Variants in GGA3 observed in about 807,000 individuals in gnomAD.
GGA3 encodes the protein golgi associated, gamma adaptin ear containing, ARF binding protein 3.
GGA3 carries 57 observed loss-of-function variants against 77.5 expected under a neutral mutation model. The observed-to-expected ratio is 0.74, with a 90% CI of 0.59 to 0.92. GGA3 has a LOEUF of 0.92. GGA3 is among the 40% of genes least tolerant of loss of function. The pLI, the probability that GGA3 is intolerant of heterozygous loss-of-function variation, is 0.00. For missense variants in GGA3, 970 were observed against 914.9 expected (o/e 1.06, Z -0.78); for synonymous variants, 416 against 383.7 (o/e 1.08, Z -0.98).
chr17:75,239,647 C>T lies in GGA3; in HGVS notation c.1584-76G>A, dbSNP rs9902741. The T allele has an allele frequency of 0.03, 43,979 of 1,450,318 alleles. 5,791 individuals carry two copies. The African/African-American group carries it at 0.37, about 12-fold the overall frequency. The allele number at this position is 1,450,318 out of a possible 1,614,324, so 89.8% of individuals were successfully genotyped here. ...AGGACTCTCACCCAAGGCCCCTGAC[C>T]ATGCTCTTACCCAGGCCCACCCCTT... On this transcript the variant is annotated intron_variant, in intron 13 of 16. Transcript: ENST00000537686.
Position 75,239,025 on chromosome 17 carries a change from A to G in GGA3, c.1839T>C (p.Phe613=). The change falls in exon 15 of 17, where the codon TTT becomes TTC. Residue 613 remains phenylalanine, a synonymous_variant. Transcript: ENST00000537686. ...GTCGTCCTGGGGGACACTCCTTGGC[A>G]AAGTGGAAGAGGATGCGGAAGCCGT... ...DKNGFRILFH[F]AKECPPGRPD... The G allele has an allele frequency of 1.2e-6, 2 of 1,614,082 alleles. No individual in the cohort carries two copies. Among genetic ancestry groups the G allele is most frequent in the Non-Finnish European group, 1.7e-6 (2 of 1,180,006 alleles).
intron 11 of GGA3, 104 bp downstream of exon 11, chr17:75,240,707 AC>A: frequency 7.8e-7 from 1 of 1,285,338 alleles, no homozygotes; most frequent in Non-Finnish European, 1.0e-6. Context: ...TTCTTTGCCC[AC>A]CCCAACAGTC....
intron 1 of GGA3, chr17:75,248,902 A>C (rs2076862867): frequency 1.0e-6 from 1 of 984,748 alleles, no homozygotes; most frequent in African/African-American, 1.8e-5. Flanking sequence ...GGCTGCAGGG[A>C]TCTGAGTAGC....
chr17:75,253,627 C>A (rs982135025), intron 1 of GGA3, among the ~76,000 whole-genome samples: 2 of 152,236 alleles, frequency 1.3e-5, no homozygotes, highest in Non-Finnish European at 2.9e-5. Flanking sequence ...GCGGTAAGTC[C>A]CGCTTTTCTA....
At chr17:75,240,218 A>G in intron 12 of GGA3, 110 bp from the exon 13 acceptor site, 2 of 1,161,058 alleles carry the variant, frequency 1.7e-6, no homozygotes, top group Admixed American at 4.2e-5. Flanking sequence ...GGAGGCACTC[A>G]TTGTTCCCCG....
chr17:75,252,870 G>A (rs2077016664), intron 1 of GGA3, among the ~76,000 whole-genome samples: 2 of 152,000 alleles, frequency 1.3e-5, no homozygotes, highest in South Asian at 4.2e-4. Context: ...ATCCATCCCT[G>A]CCCGCAAAAC....
At chr17:75,241,962 G>C (rs1012935839) in intron 8 of GGA3, 67 of 560,970 alleles carry the variant, frequency 1.2e-4, no homozygotes, top group Non-Finnish European at 2.2e-5. Flanking sequence ...ATGTTCCTCA[G>C]AACTCAAAAT....
In GGA3 at chr17:75,239,877, C is replaced by T. The variant is rs372063338; in HGVS notation, c.1495G>A (p.Ala499Thr). The T allele has an allele frequency of 1.6e-5, 26 of 1,613,860 alleles. No homozygotes were observed. The highest frequency in any genetic ancestry group is 5.5e-5 in the South Asian group (5 of 91,090). Residue 499 changes from alanine (A) to threonine (T), a missense_variant, in exon 13 of 17, where the codon GCA (alanine) becomes ACA (threonine). Coordinates refer to ENST00000537686, the MANE Select transcript of GGA3 (RefSeq NM_138619.4). ...GCCAAGCCATGGTGCCCAGGGACTGCGGGCTCAACTTTTGGGGCCAAGGCT... is the reference window on the plus strand; with the variant it reads ...GCCAAGCCATGGTGCCCAGGGACTGTGGGCTCAACTTTTGGGGCCAAGGCT... ...APALAPKVEPAVPGHHGLALG... is the reference protein window; with the variant it reads ...APALAPKVEPTVPGHHGLALG...
chr17:75,251,621 G>C (rs1460807797), intron 1 of GGA3, among the ~76,000 whole-genome samples: 1 of 140,640 alleles, frequency 7.1e-6, no homozygotes, highest in Non-Finnish European at 1.5e-5. Context: ...CAGGAGAATC[G>C]CTTTAACCCA....
upstream of GGA3, chr17:75,261,767 TGAAAAACTCTAACGTCCAG>T: frequency 8.7e-7 from 1 of 1,150,480 alleles, no homozygotes; most frequent in Non-Finnish European, 1.2e-6. Context: ...GACCCCGGAG[TGAAAAACTCTAACGTCCAG>T]ATCAGTGGAG....
intron 1 of GGA3, among the ~76,000 whole-genome samples, chr17:75,247,268 T>A (rs1287874263): frequency 8.1e-6 from 1 of 123,408 alleles, no homozygotes; most frequent in African/African-American, 5.6e-5. Context: ...CACAAATTTT[T>A]TTTTTTTTTT....
chr17:75,242,858 G>T lies in GGA3; in HGVS notation c.582C>A (p.Asn194Lys). The T allele has an allele frequency of 6.2e-7, 1 of 1,613,974 alleles. No homozygotes were observed. The highest frequency in any genetic ancestry group is 8.5e-7 in the Non-Finnish European group (1 of 1,179,796). ...SKNPDDLQEA[N>K]KLIKSMVKED... ...CCTTCACCATGGACTTGATGAGCTT[G>T]TTGGCCTCCTGCAGGTCATCTGGGT... Residue 194 changes from asparagine to lysine, a missense_variant, in exon 7 of 17, where the codon AAC (asparagine) becomes AAA (lysine). Physicochemically the swap from Asn to Lys is moderately conservative, Grantham distance 94. Coordinates refer to ENST00000537686, the MANE Select transcript of GGA3 (RefSeq NM_138619.4).
chr17:75,239,943 GGGCAGGAACACT>G lies in GGA3; in HGVS notation c.1417_1428del (p.Ser473_Ala476del). 1 of 1,588,680 alleles carries G rather than the reference GGGCAGGAACACT, an allele frequency of 6.3e-7. No homozygotes were observed. Among genetic ancestry groups the G allele is most frequent in the Non-Finnish European group, 8.6e-7 (1 of 1,168,044 alleles). On this transcript the variant is annotated inframe_deletion, in exon 13 of 17. Transcript: ENST00000537686. ...GAAAACAAGGAGGAGCCCGCACTGG[GGGCAGGAACACT>G]GGCTGGGACCACAGGAGCTGGGAAG... is the stretch of plus-strand genomic sequence containing the variant.
chr17:75,239,233 G>T, intron 14 of GGA3, 142 bp downstream of exon 14: 1 of 959,380 alleles, frequency 1.0e-6, no homozygotes, highest in Non-Finnish European at 1.5e-6. Flanking sequence ...AGGAGCTTAA[G>T]ACTGAGAATG....
At chr17:75,238,460 CCT>C in intron 16 of GGA3, 71 bp from the exon 17 acceptor site, 7 of 1,312,364 alleles carry the variant, frequency 5.3e-6, no homozygotes, top group Non-Finnish European at 7.6e-6. Context: ...ATTCTGCTAC[CCT>C]CTCTGTGCTA....
upstream of GGA3, chr17:75,262,006 C>T (rs62085969): frequency 2.8e-3 from 1,292 of 461,394 alleles, 13 homozygotes; most frequent in African/African-American, 0.092. Flanking sequence ...CGAGCAGCGG[C>T]GGGGGGGCGC....
At chr17:75,246,615 A>G in intron 2 of GGA3, 31 bp from the exon 3 acceptor site, 3 of 1,602,070 alleles carry the variant, frequency 1.9e-6, no homozygotes, top group East Asian at 4.5e-5. Flanking sequence ...ACTCCAGTGC[A>G]CTAAGCCTGG....
At chr17:75,249,310 T>C (rs1275673085) in intron 1 of GGA3, among the ~76,000 whole-genome samples, 1 of 152,224 alleles carries the variant, frequency 6.6e-6, no homozygotes, top group African/African-American at 2.4e-5. Flanking sequence ...CCCAAAGTGC[T>C]GGGATTACAG....
Position 75,240,411 on chromosome 17 carries a change from G to T in GGA3, c.1194C>A (p.Gly398=), listed in dbSNP as rs749823200. ...GAACATTAGGGGCTGGGTCGGCGAG[G>T]CCTGACAATAGAGAAGAAAACAGGA... ...SWLDEELLCL[G]LADPAPNVPP... Residue 398 remains glycine, a splice_region_variant and synonymous_variant, in exon 12 of 17, where the codon GGC becomes GGA. Transcript: ENST00000537686. 4.6e-5 allele frequency: 73 copies of T among 1,589,282 alleles called. No homozygotes were observed. Among genetic ancestry groups the T allele is most frequent in the Non-Finnish European group, 5.0e-5 (58 of 1,166,608 alleles).
Sources: gnomAD v4.1 joint callset for allele counts (sites outside exome capture counted in the v4.1 genomes callset) on GRCh38, gnomAD v4.1.1 for gene constraint, MANE v1.5 for transcripts, NCBI Gene and HGNC (gene_info 2026-07-23, HGNC 2026-07-21) for gene names.